Variants in CACNA1D observed in about 807,000 individuals in gnomAD.
CACNA1D encodes calcium voltage-gated channel subunit alpha1 D, also known as voltage-dependent L-type calcium channel subunit alpha-1D.
A neutral mutation model predicts 257.1 loss-of-function variants in CACNA1D; 55 were observed. The observed-to-expected ratio is 0.21, with a 90% CI of 0.17 to 0.27. The LOEUF (loss-of-function observed/expected upper bound fraction) is 0.27, where lower values mean the gene tolerates loss of function less well. Among genes scored for constraint, CACNA1D ranks in the 10% least tolerant of loss-of-function variants. CACNA1D has a pLI of 1.00. For synonymous variants in CACNA1D, 980 were observed against 1,014.9 expected (o/e 0.97, Z 0.65); for missense variants, 1,876 against 2,784.0 (o/e 0.67, Z 7.34).
intron 44 of CACNA1D, 116 bp from the exon 45 acceptor site, chr3:53,804,867 C>T: frequency 1.0e-6 from 1 of 996,288 alleles, no homozygotes; most frequent in East Asian, 2.4e-5. Context: ...TGTTCTCAGC[C>T]AATCCTACTG....
At position 53,621,127 on chromosome 3, in the gene CACNA1D, A is replaced by G. The variant is rs572701469; in HGVS notation, c.484-29652A>G. 1.8e-3 allele frequency among the ~76,000 whole-genome samples: 279 copies of G among 152,322 alleles called. 2 individuals carry two copies. Among genetic ancestry groups the G allele is most frequent in the Non-Finnish European group, 2.6e-3 (177 of 68,018 alleles). On this transcript the variant is annotated intron_variant, in intron 3 of 47. Transcript: ENST00000350061. Reference sequence around the variant, plus strand: ...GAGCTTTTTATTACAGATGACACCTATGAATGCAAGTGAGGGAAAAGAACC... The same window carrying G: ...GAGCTTTTTATTACAGATGACACCTGTGAATGCAAGTGAGGGAAAAGAACC...
At chr3:53,561,055 C>T (rs1285340276) in intron 3 of CACNA1D, among the ~76,000 whole-genome samples, 2 of 152,184 alleles carry the variant, frequency 1.3e-5, no homozygotes, top group Non-Finnish European at 2.9e-5. Flanking sequence ...AATTCATCTC[C>T]ATATTACTTT....
chr3:53,590,395 T>A (rs2093286128), intron 3 of CACNA1D, among the ~76,000 whole-genome samples: 1 of 152,236 alleles, frequency 6.6e-6, no homozygotes, highest in Admixed American at 6.5e-5. Flanking sequence ...TGTCACTTAC[T>A]GTTTGTGTGC....
rs772686004 is a variant in CACNA1D at position 53,726,905 on chromosome 3, T to C, written c.2127T>C (p.Ala709=). The change falls in exon 15 of 48, where the codon GCT becomes GCC. Residue 709 remains alanine (A), a synonymous_variant. Coordinates refer to ENST00000350061, the MANE Select transcript of CACNA1D (RefSeq NM_001128840.3). ...TCCTGACAGGCGAAGACTGGAATGC[T>C]GTGATGTACGATGGCATCATGGCTT... ...FQILTGEDWN[A]VMYDGIMAYG... is the part of the protein sequence containing the mutation. 1.2e-6 allele frequency: 2 copies of C among 1,614,220 alleles called. No individual in the cohort carries two copies. The highest frequency in any genetic ancestry group is 1.7e-6 in the Non-Finnish European group (2 of 1,180,030).
At chr3:53,671,582 C>T (rs992720369) in intron 7 of CACNA1D, among the ~76,000 whole-genome samples, 1 of 152,260 alleles carries the variant, frequency 6.6e-6, no homozygotes, top group African/African-American at 2.4e-5. Context: ...ATTGCAGCCA[C>T]AGCCCAGGCT....
chr3:53,590,250 C>G (rs138816007), intron 3 of CACNA1D, among the ~76,000 whole-genome samples: 10 of 152,316 alleles, frequency 6.6e-5, no homozygotes, highest in Non-Finnish European at 1.3e-4. Context: ...GCTTCTAGAC[C>G]GTGTCCTCTC....
In CACNA1D at chr3:53,497,223, A is replaced by G. The variant is rs1221572466; in HGVS notation, c.139A>G (p.Lys47Glu). The G allele has an allele frequency of 1.2e-6, 2 of 1,614,180 alleles. No individual in the cohort carries two copies. The highest frequency in any genetic ancestry group is 1.7e-6 in the Non-Finnish European group (2 of 1,180,024). Residue 47 changes from lysine to glutamate, a missense_variant, in exon 2 of 48, where the codon AAG (lysine) becomes GAG (glutamate). Transcript: ENST00000350061. Reference sequence around the variant, plus strand: ...ACCAACTTCTCAGCCGAATAGCTCCAAGCAAACTGTCCTGTCTTGGCAAGC... The same window carrying G: ...ACCAACTTCTCAGCCGAATAGCTCCGAGCAAACTGTCCTGTCTTGGCAAGC... ...EGPTSQPNSS[K>E]QTVLSWQAAI...
intron 19 of CACNA1D, among the ~76,000 whole-genome samples, chr3:53,735,070 A>G (rs1321655375): frequency 6.6e-6 from 1 of 152,208 alleles, no homozygotes; most frequent in Non-Finnish European, 1.5e-5. Flanking sequence ...GAATTCTCTT[A>G]TTAAGCCTCA....
intron 40 of CACNA1D, chr3:53,792,225 A>C (rs532576537): frequency 6.6e-6 from 1 of 152,200 alleles, no homozygotes; most frequent in Admixed American, 6.5e-5. Context: ...TGCAGGTTGC[A>C]TTTTCACATC....
At chr3:53,781,502 A>C (rs112183942) in intron 38 of CACNA1D, 64 bp from the exon 39 acceptor site, 9 of 1,078,998 alleles carry the variant, frequency 8.3e-6, no homozygotes, top group African/African-American at 7.7e-5. Context: ...AGGCTGTGCA[A>C]GCAGAGGAGG....
intron 19 of CACNA1D, among the ~76,000 whole-genome samples, chr3:53,734,871 A>T (rs1329891817): frequency 6.6e-6 from 1 of 152,218 alleles, no homozygotes; most frequent in African/African-American, 2.4e-5. Flanking sequence ...TATAAATAGT[A>T]TGACCTTGCA....
In CACNA1D at chr3:53,673,754, T is replaced by C. The variant is rs1162584264; in HGVS notation, c.1220+628T>C. The C allele has an allele frequency of 2.5e-6, 4 of 1,613,946 alleles. No homozygotes were observed. Among genetic ancestry groups the C allele is most frequent in the Non-Finnish European group, 3.4e-6 (4 of 1,179,924 alleles). On this transcript the variant is annotated intron_variant, in intron 8 of 47. Coordinates refer to ENST00000350061, the MANE Select transcript of CACNA1D (RefSeq NM_001128840.3). The surrounding 1 kb of genome is among the most constrained non-coding windows in gnomAD (Gnocchi z 4.1). The stretch of plus-strand genomic sequence containing the variant: ...GATGGGAATGGCCATGGGTGTATTT[T>C]GTTAGTCTGATCATCCTTGGCTCAT...
At chr3:53,519,573 G>A (rs1575737594) in intron 3 of CACNA1D, among the ~76,000 whole-genome samples, 3 of 152,140 alleles carry the variant, frequency 2.0e-5, no homozygotes, top group East Asian at 3.9e-4. Flanking sequence ...AAGAATAACA[G>A]AATTAATTGG....
intron 20 of CACNA1D, among the ~76,000 whole-genome samples, chr3:53,738,921 G>T (rs540158504): frequency 6.6e-6 from 1 of 151,734 alleles, no homozygotes; most frequent in Admixed American, 6.6e-5. Flanking sequence ...GACCTAGGAA[G>T]GAGTAAGGAA....
At chr3:53,610,560 G>GA (rs2107953303) in intron 3 of CACNA1D, among the ~76,000 whole-genome samples, 1 of 152,278 alleles carries the variant, frequency 6.6e-6, no homozygotes, top group South Asian at 2.1e-4. Context: ...ACCTACCTTG[G>GA]AAAGACCAGT....
chr3:53,762,726 A>C, intron 30 of CACNA1D: 1 of 401,016 alleles, frequency 2.5e-6, no homozygotes, highest in Admixed American at 3.0e-5. Flanking sequence ...ATCTCCACAC[A>C]CTTTAGAAAT....
chr3:53,786,716 C>CCCCCCCCCCCCAAA, intron 39 of CACNA1D, 106 bp from the exon 40 acceptor site: 1 of 540,396 alleles, frequency 1.9e-6, no homozygotes, highest in Non-Finnish European at 3.6e-6. Context: ...CCGGACCGCC[C>CCCCCCCCCCCCAAA]ACCCGCCCCA....
chr3:53,600,012 T>C (rs1375390827), intron 3 of CACNA1D, among the ~76,000 whole-genome samples: 2 of 152,222 alleles, frequency 1.3e-5, no homozygotes, highest in East Asian at 3.8e-4. Context: ...ATGGAAGAAA[T>C]TGGTTTCTCA....
chr3:53,735,270 C>A, intron 19 of CACNA1D, 104 bp from the exon 20 acceptor site: 1 of 1,082,500 alleles, frequency 9.2e-7, no homozygotes, highest in Non-Finnish European at 1.4e-6. Flanking sequence ...CAGCAGACAG[C>A]TGCCCTCTGC....
Sources: gnomAD v4.1 joint callset for allele counts (sites outside exome capture counted in the v4.1 genomes callset) on GRCh38, gnomAD v4.1.1 for gene constraint, Gnocchi (gnomAD v3.1) non-coding constraint, MANE v1.5 for transcripts, NCBI Gene and HGNC (gene_info 2026-07-23, HGNC 2026-07-21) for gene names.